CCN3: variants seen among roughly 807,000 people sequenced by gnomAD.
CCN3 encodes cellular communication network factor 3.
Under a neutral mutation model 33.4 loss-of-function variants are expected in CCN3, and 20 were observed. The observed-to-expected ratio is 0.60, with a 90% CI of 0.42 to 0.87. The LOEUF (loss-of-function observed/expected upper bound fraction) is 0.87, where lower values mean the gene tolerates loss of function less well. Ranked by LOEUF, CCN3 falls within the 40% of genes least tolerant of loss-of-function variation. CCN3 has a pLI of 0.00. For missense variants in CCN3, 465 were observed against 455.3 expected (o/e 1.02, Z -0.19); for synonymous variants, 205 against 170.4 (o/e 1.20, Z -1.58).
chr8:119,420,480 T>C (rs996360896), intron 4 of CCN3, among the ~76,000 whole-genome samples: 3 of 152,202 alleles, frequency 2.0e-5, no homozygotes, highest in East Asian at 1.9e-4. Context: ...AGCTATATAA[T>C]TTTTGGAAGT....
At chr8:119,419,486 G>T in intron 4 of CCN3, 141 bp downstream of exon 4, 1 of 732,406 alleles carries the variant, frequency 1.4e-6, no homozygotes, top group Non-Finnish European at 2.2e-6. Context: ...AAGGCAGTGG[G>T]GTTCTTGAAG....
chr8:119,423,450 A>C lies in CCN3; in HGVS notation c.*318A>C. On this transcript the variant is annotated 3_prime_UTR_variant, in exon 5 of 5. Coordinates refer to ENST00000259526, the MANE Select transcript of CCN3 (RefSeq NM_002514.4). ...TACTTTGTAGACTGTTTCACATTGCACTCATCATATTTTGTTGTGCACTAG... is the reference window on the plus strand; with the variant it reads ...TACTTTGTAGACTGTTTCACATTGCCCTCATCATATTTTGTTGTGCACTAG... 3 of 237,464 alleles carry C rather than the reference A, an allele frequency of 1.3e-5. No homozygotes were observed. The South Asian group carries it at 2.8e-4, about 22-fold the overall frequency. 14.7% of individuals were successfully genotyped at this position (237,464 alleles called of 1,614,324 possible). A position where few individuals can be genotyped will look rare whatever the true frequency, so the allele number is the denominator to read the frequency against.
rs765916220 is a variant in CCN3 at position 119,418,084 on chromosome 8, G to A, written c.337G>A (p.Asp113Asn). The A allele has an allele frequency of 3.7e-6, 6 of 1,613,756 alleles. No individual in the cohort carries two copies. Among genetic ancestry groups the A allele is most frequent in the East Asian group, 2.2e-5 (1 of 44,886 alleles). Residue 113 changes from aspartate to asparagine, a missense_variant, in exon 3 of 5, where the codon GAT (aspartate) becomes AAT (asparagine). Coordinates refer to ENST00000259526, the MANE Select transcript of CCN3 (RefSeq NM_002514.4). ...GGTAGAGGGAGATAACTGTGTGTTC[G>A]ATGGGGTCATCTACCGCAGTGGAGA... The part of the protein sequence containing the change: ...TAVEGDNCVF[D>N]GVIYRSGEKF...
At position 119,419,138 on chromosome 8, in the gene CCN3, G is replaced by A; in HGVS notation, c.570G>A (p.Arg190=). The change falls in exon 4 of 5, where the codon AGG becomes AGA. Residue 190 remains arginine (R), a synonymous_variant. Transcript: ENST00000259526. ...SLGGLTLAAY[R]PEATLGVEVS... ...TATTTATACATCCCATAGCTTACAG[G>A]CCAGAAGCCACCCTAGGAGTAGAAG... is the stretch of plus-strand genomic sequence containing the variant. 3.7e-6 allele frequency: 6 copies of A among 1,613,790 alleles called. No individual in the cohort carries two copies. The highest frequency in any genetic ancestry group is 5.1e-6 in the Non-Finnish European group (6 of 1,179,802).
rs766397418 is a variant in CCN3, at chr8:119,416,560, T to G, written c.28T>G (p.Cys10Gly). Residue 10 changes from cysteine to glycine, a missense_variant, in exon 1 of 5, where the codon TGT becomes GGT. Cys to Gly is a radical substitution (Grantham distance 159). Transcript: ENST00000259526. ...GCAGAGTGTGCAGAGCACGAGCTTT[T>G]GTCTCCGAAAGCAGTGCCTTTGCCT... is the stretch of plus-strand genomic sequence containing the variant. MQSVQSTSF[C>G]LRKQCLCLTF... 1 of 1,614,024 alleles carries G rather than the reference T, an allele frequency of 6.2e-7. No individual in the cohort carries two copies. The highest frequency in any genetic ancestry group is 8.5e-7 in the Non-Finnish European group (1 of 1,179,982).
intron 4 of CCN3, among the ~76,000 whole-genome samples, chr8:119,420,514 C>A (rs1820108722): frequency 6.6e-6 from 1 of 152,070 alleles, no homozygotes; most frequent in Non-Finnish European, 1.5e-5. Context: ...ACTTTTCTTC[C>A]ACCAGTTTAG....
At chr8:119,422,637 G>A (rs192101089) in intron 4 of CCN3, among the ~76,000 whole-genome samples, 199 bp from the exon 5 acceptor site, 1 of 152,134 alleles carries the variant, frequency 6.6e-6, no homozygotes, top group African/African-American at 2.4e-5. Flanking sequence ...TTGCCACAAG[G>A]TTATCCCAAG....
chr8:119,418,361 C>T (rs1820081721), intron 3 of CCN3, 52 bp downstream of exon 3: 3 of 1,569,730 alleles, frequency 1.9e-6, no homozygotes, highest in Non-Finnish European at 2.6e-6. Context: ...TAAATACAAA[C>T]ATGAAGAATT....
Position 119,423,071 on chromosome 8 carries a change from C to T in CCN3, c.1013C>T (p.Pro338Leu). ...IGTCTCHTNC[P>L]KNNEAFLQEL... ...ACCTGCACCTGTCACACCAACTGTC[C>T]TAAGAACAATGAGGCCTTCCTCCAG... The change falls in exon 5 of 5, where the codon CCT (proline) becomes CTT (leucine). Residue 338 changes from proline to leucine, a missense_variant. Pro to Leu is a moderately conservative substitution (Grantham distance 98). Transcript: ENST00000259526. 1 of 1,614,162 alleles carries T rather than the reference C, an allele frequency of 6.2e-7. No homozygotes were observed. The highest frequency in any genetic ancestry group is 2.2e-5 in the East Asian group (1 of 44,878).
At chr8:119,417,165 C>T (rs1032953428) in intron 2 of CCN3, 196 bp downstream of exon 2, 36 of 566,350 alleles carry the variant, frequency 6.4e-5, no homozygotes, top group Non-Finnish European at 8.8e-5. Flanking sequence ...GCGCCAGAGC[C>T]AGAAAGGAAA....
chr8:119,421,744 G>A lies in CCN3; in HGVS notation c.778-1092G>A, dbSNP rs1313815819. Reference sequence around the variant, plus strand: ...TCTTGGAATTTCCTGGGTTCATCACGTAATAGAAAGAATGGGCTTTGTACA... The same window carrying A: ...TCTTGGAATTTCCTGGGTTCATCACATAATAGAAAGAATGGGCTTTGTACA... On this transcript the variant is annotated intron_variant, in intron 4 of 4. Transcript: ENST00000259526. 2.6e-5 allele frequency among the ~76,000 whole-genome samples: 4 copies of A among 152,080 alleles called. No individual in the cohort carries two copies. The East Asian group carries it at 5.8e-4, about 22-fold the overall frequency.
At chr8:119,422,426 C>A (rs1351089852) in intron 4 of CCN3, among the ~76,000 whole-genome samples, 1 of 152,094 alleles carries the variant, frequency 6.6e-6, no homozygotes, top group Non-Finnish European at 1.5e-5. Flanking sequence ...AAAATGACAC[C>A]AAAGCATGTT....
intron 3 of CCN3, 128 bp downstream of exon 3, chr8:119,418,437 G>T: frequency 1.7e-6 from 2 of 1,200,178 alleles, no homozygotes; most frequent in Non-Finnish European, 2.3e-6. Context: ...GTGGGTTTCA[G>T]GTTGCCCACT....
At position 119,423,061 on chromosome 8, in the gene CCN3, A is replaced by T. The variant is rs758691435; in HGVS notation, c.1003A>T (p.Thr335Ser). Reference sequence around the variant, plus strand: ...GGTCATTGGGACCTGCACCTGTCACACCAACTGTCCTAAGAACAATGAGGC... The same window carrying T: ...GGTCATTGGGACCTGCACCTGTCACTCCAACTGTCCTAAGAACAATGAGGC... ...VMVIGTCTCH[T>S]NCPKNNEAFL... Residue 335 changes from threonine (T) to serine (S), a missense_variant, in exon 5 of 5, where the codon ACC (threonine) becomes TCC (serine). Thr to Ser is a moderately conservative substitution (Grantham distance 58, BLOSUM62 1). Coordinates refer to ENST00000259526, the MANE Select transcript of CCN3 (RefSeq NM_002514.4). 3.1e-6 allele frequency: 5 copies of T among 1,614,194 alleles called. No homozygotes were observed. The highest frequency in any genetic ancestry group is 3.4e-6 in the Non-Finnish European group (4 of 1,180,032).
intron 4 of CCN3, 27 bp downstream of exon 4, chr8:119,419,372 C>A (rs1332741333): frequency 5.0e-6 from 8 of 1,606,866 alleles, no homozygotes; most frequent in Non-Finnish European, 6.8e-6. Flanking sequence ...AACCTCCCAT[C>A]CTGAAGGTAA....
At position 119,419,349 on chromosome 8, in the gene CCN3, G is replaced by A; in HGVS notation, c.777+4G>A. 1 of 1,612,740 alleles carries A rather than the reference G, an allele frequency of 6.2e-7. No individual in the cohort carries two copies. The highest frequency in any genetic ancestry group is 8.5e-7 in the Non-Finnish European group (1 of 1,179,920). On this transcript the variant is annotated splice_donor_region_variant and intron_variant, in intron 4 of 4. Transcript: ENST00000259526. The stretch of plus-strand genomic sequence containing the variant: ...GCCAGAGCAGCCAACAGATAAGGTA[G>A]GAGCCTGGAGGAAACCTCCCATCCT...
chr8:119,422,522 C>G (rs1187107446), intron 4 of CCN3, among the ~76,000 whole-genome samples: 2 of 152,242 alleles, frequency 1.3e-5, no homozygotes, highest in Non-Finnish European at 2.9e-5. Context: ...TACAATTAGG[C>G]AAGGTGTTTA....
intron 3 of CCN3, 133 bp from the exon 4 acceptor site, chr8:119,418,998 G>A (rs1344752149): frequency 3.2e-6 from 2 of 627,810 alleles, no homozygotes; most frequent in Non-Finnish European, 5.6e-6. Context: ...ATTCAGTTCT[G>A]TGTCCTGGGA....
chr8:119,422,249 T>C (rs1448725488), intron 4 of CCN3, among the ~76,000 whole-genome samples: 1 of 152,078 alleles, frequency 6.6e-6, no homozygotes. Flanking sequence ...CATCAGATCT[T>C]GTGAGAACTC....
Sources: allele counts gnomAD v4.1 joint callset (sites outside exome capture counted in the v4.1 genomes callset), GRCh38; gene constraint gnomAD v4.1.1; transcripts MANE v1.5; gene names NCBI Gene and HGNC (gene_info 2026-07-23, HGNC 2026-07-21).